The following PARD3B variants were observed in gnomAD, a reference collection of about 807,000 sequenced individuals.
PARD3B encodes partitioning defective 3 homolog B.
In PARD3B, 103 loss-of-function variants were observed where a neutral mutation model predicts 130.2. The ratio of observed to expected loss-of-function variants is 0.79; its 90% CI spans 0.67 to 0.93. The LOEUF (loss-of-function observed/expected upper bound fraction) is 0.93. Among genes scored for constraint, PARD3B ranks in the 40% least tolerant of loss-of-function variants. The pLI, the probability that PARD3B is intolerant of heterozygous loss-of-function variation, is 0.00. For missense variants in PARD3B, 1,609 were observed against 1,499.2 expected, an observed-to-expected ratio of 1.07 and a Z score of -1.21; for synonymous variants, 583 against 553.2, an observed-to-expected ratio of 1.05 and a Z score of -0.76.
At chr2:205,053,664 C>T (rs1488907588) in intron 4 of PARD3B, among the ~76,000 whole-genome samples, 1 of 150,920 alleles carries the variant, frequency 6.6e-6, no homozygotes, top group Non-Finnish European at 1.5e-5. Context: ...AAAATTCCAA[C>T]ATATAACTTA....
rs144946813 is a variant in PARD3B, at chr2:204,960,464, A to G, written c.223-4688A>G. Among the ~76,000 whole-genome samples, 20 of 152,326 alleles carry G rather than the reference A, an allele frequency of 1.3e-4. 1 individual carries two copies. The East Asian group carries it at 3.9e-3, about 29-fold the overall frequency. On this transcript the variant is annotated intron_variant, in intron 2 of 22. Coordinates refer to ENST00000406610, the MANE Select transcript of PARD3B (RefSeq NM_001302769.2). ...AAAAAAGGAGGAATTTATCGGCCATAATTTCCAAAGCCAAACCAACAATAA... is the reference window on the plus strand; with the variant it reads ...AAAAAAGGAGGAATTTATCGGCCATGATTTCCAAAGCCAAACCAACAATAA...
At chr2:205,261,859 T>A (rs2040326416) in intron 16 of PARD3B, among the ~76,000 whole-genome samples, 1 of 152,196 alleles carries the variant, frequency 6.6e-6, no homozygotes, top group South Asian at 2.1e-4. Context: ...GATCAGATAC[T>A]AATTAGAATT....
At position 204,928,761 on chromosome 2, in the gene PARD3B, A is replaced by C. The variant is rs144007047; in HGVS notation, c.223-36391A>C. Among the ~76,000 whole-genome samples, 351 of 152,172 alleles carry C rather than the reference A, an allele frequency of 2.3e-3. 2 individuals carry two copies. Among genetic ancestry groups the C allele is most frequent in the Middle Eastern group, 0.01 (3 of 294 alleles). Reference sequence around the variant, plus strand: ...TTTAGCATTCTCCTCTGCTTCTTTCATACTTCTTTCTGAGAACATGCCTTT... The same window carrying C: ...TTTAGCATTCTCCTCTGCTTCTTTCCTACTTCTTTCTGAGAACATGCCTTT... On this transcript the variant is annotated intron_variant, in intron 2 of 22. Transcript: ENST00000406610.
chr2:205,025,176 T>A (rs1342786256), intron 3 of PARD3B, among the ~76,000 whole-genome samples: 2 of 152,196 alleles, frequency 1.3e-5, no homozygotes, highest in Non-Finnish European at 2.9e-5. Flanking sequence ...GGCAAGAGTG[T>A]GTTCAGTCTG....
rs563906609 is a variant in PARD3B at position 204,773,290 on chromosome 2, T to C, written c.222+87008T>C. On this transcript the variant is annotated intron_variant, in intron 2 of 22. Transcript: ENST00000406610. ...TAAACTGGATTAGTCATCTGCATACTAGACCTTACTTTGCTTAGAATTTTA... is the reference window on the plus strand; with the variant it reads ...TAAACTGGATTAGTCATCTGCATACCAGACCTTACTTTGCTTAGAATTTTA... 2.6e-5 allele frequency among the ~76,000 whole-genome samples: 4 copies of C among 152,086 alleles called. No homozygotes were observed. The East Asian group carries it at 7.7e-4, about 29-fold the overall frequency.
chr2:204,952,106 T>G (rs762728231), intron 2 of PARD3B, among the ~76,000 whole-genome samples: 8 of 152,242 alleles, frequency 5.3e-5, no homozygotes, highest in Non-Finnish European at 7.3e-5. Context: ...TGAAAGTTTT[T>G]AAAATGAGTT....
intron 18 of PARD3B, among the ~76,000 whole-genome samples, chr2:205,306,522 G>T (rs2042189442): frequency 6.6e-6 from 1 of 152,110 alleles, no homozygotes; most frequent in African/African-American, 2.4e-5. Context: ...TATTTCAGAT[G>T]ATTTGATTTG....
At chr2:205,598,805 A>C (rs1316593274) in intron 22 of PARD3B, among the ~76,000 whole-genome samples, 1 of 152,204 alleles carries the variant, frequency 6.6e-6, no homozygotes, top group Non-Finnish European at 1.5e-5. Context: ...AATCAATACC[A>C]AGAGGATCTG....
intron 22 of PARD3B, among the ~76,000 whole-genome samples, chr2:205,577,799 T>C (rs1287148177): frequency 6.6e-6 from 1 of 152,176 alleles, no homozygotes; most frequent in Non-Finnish European, 1.5e-5. Context: ...TTCAATGCAG[T>C]TGGTTTTTAA....
chr2:205,250,104 G>A (rs2039775458), intron 16 of PARD3B, among the ~76,000 whole-genome samples: 1 of 151,946 alleles, frequency 6.6e-6, no homozygotes, highest in South Asian at 2.1e-4. Flanking sequence ...GTCTTAAAGT[G>A]TGTCTTTAAG....
At chr2:204,766,881 G>A (rs985491149) in intron 2 of PARD3B, among the ~76,000 whole-genome samples, 5 of 149,650 alleles carry the variant, frequency 3.3e-5, no homozygotes, top group Non-Finnish European at 5.9e-5. Context: ...ATCCAGATTC[G>A]GTTTAGAAAT....
chr2:205,445,338 G>A (rs1204472235), intron 20 of PARD3B, among the ~76,000 whole-genome samples: 1 of 152,174 alleles, frequency 6.6e-6, no homozygotes, highest in Non-Finnish European at 1.5e-5. Context: ...ACCTGTGACT[G>A]GGTAATTTAC....
rs2052587289 is a variant in PARD3B at position 205,550,850 on chromosome 2, A to G, written c.3181-2474A>G. 2.0e-5 allele frequency among the ~76,000 whole-genome samples: 3 copies of G among 147,406 alleles called. No individual in the cohort carries two copies. The highest frequency in any genetic ancestry group is 7.4e-5 in the African/African-American group (3 of 40,688). On this transcript the variant is annotated intron_variant, in intron 21 of 22. Coordinates refer to ENST00000406610, the MANE Select transcript of PARD3B (RefSeq NM_001302769.2). This position sits in a 1 kb window ranked among gnomAD's most constrained non-coding sequence, Gnocchi z 4.5. Reference sequence around the variant, plus strand: ...TATTTTATGTATATTTGAATATTTTATATGTATATTTGTATGTATATATGT... The same window carrying G: ...TATTTTATGTATATTTGAATATTTTGTATGTATATTTGTATGTATATATGT...
chr2:204,631,406 T>C (rs1048611302), intron 1 of PARD3B, among the ~76,000 whole-genome samples: 1 of 152,016 alleles, frequency 6.6e-6, no homozygotes, highest in Non-Finnish European at 1.5e-5. Context: ...TGCACCACCA[T>C]GCCCAGCTAA....
chr2:204,681,977 T>C (rs1269401866), intron 1 of PARD3B, among the ~76,000 whole-genome samples: 1 of 152,208 alleles, frequency 6.6e-6, no homozygotes, highest in Non-Finnish European at 1.5e-5. Flanking sequence ...GATTATATTT[T>C]GAAGGTTTCC....
At chr2:205,383,313 G>A (rs752807630) in intron 18 of PARD3B, among the ~76,000 whole-genome samples, 1 of 151,922 alleles carries the variant, frequency 6.6e-6, no homozygotes, top group African/African-American at 2.4e-5. Flanking sequence ...CAGTAAGAAA[G>A]CTGTCTCTGA....
intron 21 of PARD3B, among the ~76,000 whole-genome samples, chr2:205,505,847 A>G (rs1297699404): frequency 6.6e-6 from 1 of 152,212 alleles, no homozygotes; most frequent in East Asian, 1.9e-4. Flanking sequence ...CAAGAGCTGA[A>G]TAGCAGTATC....
intron 2 of PARD3B, among the ~76,000 whole-genome samples, chr2:204,843,792 A>G (rs1406802073): frequency 2.0e-5 from 3 of 152,108 alleles, no homozygotes; most frequent in African/African-American, 7.2e-5. Flanking sequence ...ATCAAAACAT[A>G]CTTTTGTACT....
In PARD3B at chr2:205,553,354, C is replaced by T. The variant is rs2106496926; in HGVS notation, c.3211C>T (p.His1071Tyr). The T allele has an allele frequency of 1.2e-6, 2 of 1,614,012 alleles. No homozygotes were observed. Among genetic ancestry groups the T allele is most frequent in the South Asian group, 2.2e-5 (2 of 91,078 alleles). Residue 1071 changes from histidine to tyrosine, a missense_variant, in exon 22 of 23, where the codon CAC becomes TAC. Coordinates refer to ENST00000406610, the MANE Select transcript of PARD3B (RefSeq NM_001302769.2). ...TGGAAGGGGTCCAGATGGGAATGCA[C>T]ACAACCTCCGCTTTGAAGGGATGGA... ...VPGRGPDGNA[H>Y]NLRFEGMERQ...
Sources: allele counts gnomAD v4.1 joint callset (sites outside exome capture counted in the v4.1 genomes callset), GRCh38; gene constraint gnomAD v4.1.1; non-coding constraint Gnocchi (gnomAD v3.1); transcripts MANE v1.5; gene names NCBI Gene and HGNC (gene_info 2026-07-23, HGNC 2026-07-21).